GPC5: variants seen among roughly 807,000 people sequenced by gnomAD.
GPC5 encodes glypican-5.
GPC5 carries 47 observed loss-of-function variants against 53.9 expected under a neutral mutation model. That is an observed-to-expected ratio of 0.87 (90% confidence interval 0.69 to 1.11). The LOEUF is 1.11. Ranked by LOEUF, GPC5 falls within the 50% of genes most tolerant of loss-of-function variation. The pLI, the probability that GPC5 is intolerant of heterozygous loss-of-function variation, is 0.00. For synonymous variants in GPC5, 286 were observed against 263.3 expected (o/e 1.09, Z -0.84); for missense variants, 748 against 713.1 (o/e 1.05, Z -0.56).
chr13:92,133,417 T>C (rs553668370), intron 6 of GPC5, among the ~76,000 whole-genome samples: 9 of 152,296 alleles, frequency 5.9e-5, no homozygotes, highest in African/African-American at 2.2e-4. Context: ...CTTCCCTTTT[T>C]AATAGAGCAT....
intron 7 of GPC5, among the ~76,000 whole-genome samples, chr13:92,411,135 T>G (rs1252583946): frequency 6.6e-6 from 1 of 152,138 alleles, no homozygotes; most frequent in East Asian, 1.9e-4. Flanking sequence ...CCAGGCATGA[T>G]GGCGCACGTC....
intron 5 of GPC5, among the ~76,000 whole-genome samples, chr13:91,898,327 T>C (rs1298152754): frequency 6.6e-6 from 1 of 152,234 alleles, no homozygotes; most frequent in Non-Finnish European, 1.5e-5. Context: ...ATGCAGATAC[T>C]ATTTTATTAA....
At chr13:92,511,755 CTT>C (rs1178519937) in intron 7 of GPC5, among the ~76,000 whole-genome samples, 2 of 152,162 alleles carry the variant, frequency 1.3e-5, no homozygotes, top group African/African-American at 2.4e-5. Context: ...ATACTTAGCT[CTT>C]TGACATTTTC....
intron 7 of GPC5, among the ~76,000 whole-genome samples, chr13:92,508,579 G>C (rs9589568): frequency 0.033 from 5,070 of 152,170 alleles, 239 homozygotes; most frequent in African/African-American, 0.099. Context: ...CTTGCCCAAG[G>C]ACACACTGTA....
At chr13:91,565,902 G>A (rs953236193) in intron 2 of GPC5, among the ~76,000 whole-genome samples, 15 of 152,188 alleles carry the variant, frequency 9.9e-5, no homozygotes, top group East Asian at 5.8e-4. Context: ...CAAGCTCTTC[G>A]TGGCTGGTGG....
chr13:91,578,147 T>G (rs2032207945), intron 2 of GPC5, among the ~76,000 whole-genome samples: 1 of 152,210 alleles, frequency 6.6e-6, no homozygotes, highest in Admixed American at 6.5e-5. Context: ...AGCAAGGAAC[T>G]GAGGCCTTCT....
intron 7 of GPC5, among the ~76,000 whole-genome samples, chr13:92,566,067 C>G (rs1882853857): frequency 6.6e-6 from 1 of 151,974 alleles, no homozygotes; most frequent in African/African-American, 2.4e-5. Flanking sequence ...ATAACTATAA[C>G]TCAACTAATG....
intron 2 of GPC5, among the ~76,000 whole-genome samples, chr13:91,601,687 A>G (rs7995362): frequency 0.081 from 12,334 of 152,164 alleles, 753 homozygotes; most frequent in South Asian, 0.25. Flanking sequence ...CTAAAGCCCA[A>G]TGATCTGTCA....
intron 7 of GPC5, among the ~76,000 whole-genome samples, chr13:92,208,609 T>C (rs7335555): frequency 0.23 from 34,554 of 152,074 alleles, 4,108 homozygotes; most frequent in African/African-American, 0.27. Context: ...TAAAGAAAAT[T>C]GCTTTAACTA....
In GPC5 at chr13:92,144,863, T is replaced by C; in HGVS notation, c.1435T>C (p.Trp479Arg). The C allele has an allele frequency of 1.2e-6, 2 of 1,612,110 alleles. No homozygotes were observed. The highest frequency in any genetic ancestry group is 1.7e-6 in the Non-Finnish European group (2 of 1,179,158). ...GGGTAGATCACCCAAACCTGACAAG[T>C]GGGAACTTCTTCAGCTGGGCAGTGG... The part of the protein sequence containing the change: ...LQGRSPKPDK[W>R]ELLQLGSGGG... The change falls in exon 7 of 8, where the codon TGG becomes CGG. Residue 479 changes from tryptophan (W) to arginine (R), a missense_variant. Transcript: ENST00000377067.
chr13:91,621,793 G>A (rs1195099371), intron 2 of GPC5, among the ~76,000 whole-genome samples: 17 of 76,866 alleles, frequency 2.2e-4, no homozygotes, highest in South Asian at 4.5e-4. Flanking sequence ...ATATATATAT[G>A]AAGGGGAGTT....
At chr13:91,616,218 G>A (rs1235474070) in intron 2 of GPC5, among the ~76,000 whole-genome samples, 1 of 151,956 alleles carries the variant, frequency 6.6e-6, no homozygotes, top group Non-Finnish European at 1.5e-5. Flanking sequence ...TTATGGAGCT[G>A]GGCACCCTGA....
At chr13:91,745,668 T>G (rs1156557454) in intron 4 of GPC5, among the ~76,000 whole-genome samples, 1 of 152,148 alleles carries the variant, frequency 6.6e-6, no homozygotes, top group Non-Finnish European at 1.5e-5. Context: ...ACGTCACAGT[T>G]TCTGTAATGA....
intron 7 of GPC5, among the ~76,000 whole-genome samples, chr13:92,651,343 T>C (rs1368922184): frequency 6.6e-6 from 1 of 152,054 alleles, no homozygotes; most frequent in East Asian, 1.9e-4. Context: ...TTGTTGATAA[T>C]ATGTCATTGA....
At chr13:92,525,690 C>T (rs1881251617) in intron 7 of GPC5, among the ~76,000 whole-genome samples, 1 of 151,922 alleles carries the variant, frequency 6.6e-6, no homozygotes, top group South Asian at 2.1e-4. Flanking sequence ...AGCAGACAGT[C>T]ATTTGATGCG....
At chr13:92,765,866 T>C (rs1875385046) in intron 7 of GPC5, among the ~76,000 whole-genome samples, 1 of 151,924 alleles carries the variant, frequency 6.6e-6, no homozygotes, top group East Asian at 1.9e-4. Context: ...GGTATTTATA[T>C]AGAAAGAAAA....
In GPC5 at chr13:92,812,283, C is replaced by G. The variant is rs933538378; in HGVS notation, c.1562-53999C>G. On this transcript the variant is annotated intron_variant, in intron 7 of 7. Coordinates refer to ENST00000377067, the MANE Select transcript of GPC5 (RefSeq NM_004466.6). ...ACGATGTTTTATAGTTTTTAGTATA[C>G]AGTGTTTCACCTCCTTGGTTAAACT... 2.6e-5 allele frequency among the ~76,000 whole-genome samples: 4 copies of G among 151,812 alleles called. 1 individual carries two copies. The highest frequency in any genetic ancestry group is 9.7e-5 in the African/African-American group (4 of 41,220).
intron 6 of GPC5, among the ~76,000 whole-genome samples, chr13:91,959,585 C>G (rs1468324568): frequency 6.6e-6 from 1 of 151,760 alleles, no homozygotes; most frequent in Non-Finnish European, 1.5e-5. Context: ...GCTTAGGACA[C>G]AACAAAAAGA....
intron 7 of GPC5, among the ~76,000 whole-genome samples, chr13:92,209,885 G>A (rs7335648): frequency 0.031 from 4,649 of 152,158 alleles, 241 homozygotes; most frequent in African/African-American, 0.11. Context: ...AAGCTGAGGA[G>A]GAAAGATGCC....
Sources: allele counts gnomAD v4.1 joint callset (sites outside exome capture counted in the v4.1 genomes callset), GRCh38; gene constraint gnomAD v4.1.1; transcripts MANE v1.5; gene names NCBI Gene and HGNC (gene_info 2026-07-23, HGNC 2026-07-21).